NAV3: variants seen among roughly 807,000 people sequenced by gnomAD.
NAV3 encodes pore membrane and/or filament interacting like protein 1.
Under a neutral mutation model 244.7 loss-of-function variants are expected in NAV3, and 87 were observed. The ratio of observed to expected loss-of-function variants is 0.36; its 90% CI spans 0.30 to 0.42. The LOEUF (loss-of-function observed/expected upper bound fraction) is 0.42, where lower values mean the gene tolerates loss of function less well. NAV3 is among the 20% of genes least tolerant of loss of function. The pLI, the probability that NAV3 is intolerant of heterozygous loss-of-function variation, is 1.00. For missense variants in NAV3, 2,663 were observed against 2,893.3 expected (o/e 0.92, Z 1.83); for synonymous variants, 1,126 against 1,042.2 (o/e 1.08, Z -1.55).
intron 1 of NAV3, among the ~76,000 whole-genome samples, chr12:77,839,067 C>T (rs971702755): frequency 2.6e-5 from 4 of 152,188 alleles, no homozygotes; most frequent in Non-Finnish European, 5.9e-5. Context: ...GAACTGATAA[C>T]TCTGTATTAG....
chr12:77,646,899 C>A (rs1382741826), intron 2 of NAV3, among the ~76,000 whole-genome samples: 1 of 152,074 alleles, frequency 6.6e-6, no homozygotes, highest in African/African-American at 2.4e-5. Context: ...AGTGGCCCAT[C>A]AATTCCACTT....
chr12:77,658,227 A>G lies in NAV3; in HGVS notation c.72+85961A>G, dbSNP rs1873225095. Among the ~76,000 whole-genome samples, 11 of 152,198 alleles carry G rather than the reference A, an allele frequency of 7.2e-5. No individual in the cohort carries two copies. The South Asian group carries it at 2.1e-3, about 29-fold the overall frequency. ...GAAAACCCCATTGTCTCAGCCCAAA[A>G]TCTCCTTAAGCTGATAAGCAACTTC... On this transcript the variant is annotated intron_variant, in intron 2 of 8. Transcript: ENST00000550042.
chr12:77,653,997 G>A (rs1872947334), intron 2 of NAV3, among the ~76,000 whole-genome samples: 1 of 152,208 alleles, frequency 6.6e-6, no homozygotes, highest in Non-Finnish European at 1.5e-5. Context: ...GATAGGAACA[G>A]CTCTGGTCTA....
intron 2 of NAV3, among the ~76,000 whole-genome samples, chr12:77,674,774 T>C (rs1474051706): frequency 6.6e-6 from 1 of 152,244 alleles, no homozygotes; most frequent in African/African-American, 2.4e-5. Context: ...ATTCATTGAA[T>C]ACTTACTATA....
intron 2 of NAV3, among the ~76,000 whole-genome samples, chr12:77,734,600 A>G (rs1203816524): frequency 1.3e-5 from 2 of 152,106 alleles, no homozygotes; most frequent in Non-Finnish European, 2.9e-5. Flanking sequence ...ATGATCTACA[A>G]CCTGGCCTCA....
intron 2 of NAV3, among the ~76,000 whole-genome samples, chr12:77,676,706 C>T (rs1874223398): frequency 6.6e-6 from 1 of 151,948 alleles, no homozygotes; most frequent in East Asian, 1.9e-4. Context: ...GGAGGGAGAG[C>T]TTTAGGACAA....
Position 78,072,015 on chromosome 12 carries a change from C to G in NAV3, c.2636+12900C>G, listed in dbSNP as rs550659376. Among the ~76,000 whole-genome samples, 3 of 152,170 alleles carry G rather than the reference C, an allele frequency of 2.0e-5. No homozygotes were observed. In the South Asian group the frequency reaches 6.2e-4, roughly 31 times the overall value. ...GAACAAAGACACAACATACCAGAAT[C>G]TCTGGGACGCATTCAAAGCAGTGTG... On this transcript the variant is annotated intron_variant, in intron 12 of 39. Coordinates refer to ENST00000397909, the MANE Select transcript of NAV3 (RefSeq NM_001024383.2).
rs191869332 is a variant in NAV3 at position 77,890,238 on chromosome 12, C to T, written c.244-50081C>T. Among the ~76,000 whole-genome samples, 251 of 152,218 alleles carry T rather than the reference C, an allele frequency of 1.6e-3. 1 individual carries two copies. Among genetic ancestry groups the T allele is most frequent in the African/African-American group, 5.8e-3 (241 of 41,540 alleles). ...TCCCAAGTAGCTGAGACGACAGGTG[C>T]CTGCCTGTCACTATGTCTGGCTTTT... On this transcript the variant is annotated intron_variant, in intron 1 of 39. Coordinates refer to ENST00000397909, the MANE Select transcript of NAV3 (RefSeq NM_001024383.2).
chr12:77,683,073 C>CA (rs1242938317), intron 2 of NAV3, among the ~76,000 whole-genome samples: 1 of 151,924 alleles, frequency 6.6e-6, no homozygotes, highest in Non-Finnish European at 1.5e-5. Context: ...GGGTGATATC[C>CA]AAAAAATATT....
rs941855832 is a variant in NAV3 at position 77,961,344 on chromosome 12, A to G, written c.415-4885A>G. ...ACATATATGTAATATAATAAATATT[A>G]CACATATACATATATGTAATATAAT... On this transcript the variant is annotated intron_variant, in intron 3 of 39. Transcript: ENST00000397909. Among the ~76,000 whole-genome samples the G allele has an allele frequency of 2.1e-5, 3 of 142,638 alleles. 1 individual carries two copies. The highest frequency in any genetic ancestry group is 7.2e-5 in the Admixed American group (1 of 13,850). The allele number at this position is 142,638 out of a possible 152,430, so 93.6% of individuals were successfully genotyped here.
intron 12 of NAV3, among the ~76,000 whole-genome samples, chr12:78,079,169 G>A (rs1953219193): frequency 6.6e-6 from 1 of 152,164 alleles, no homozygotes; most frequent in Non-Finnish European, 1.5e-5. Context: ...AAGAACTGAT[G>A]TGCCATTGAG....
chr12:77,710,330 T>C lies in NAV3; in HGVS notation c.72+138064T>C, dbSNP rs117370622. Among the ~76,000 whole-genome samples the C allele has an allele frequency of 3.6e-4, 54 of 149,452 alleles. 1 individual carries two copies. In the East Asian group the frequency reaches 7.7e-3, roughly 21 times the overall value. On this transcript the variant is annotated intron_variant, in intron 2 of 8. Transcript: ENST00000550042. ...ATTGTTAATCTAAAACTGTTGAGTT[T>C]TCCTGGACTTGACTCTGGGCAACTA... is the stretch of plus-strand genomic sequence containing the variant.
chr12:77,922,762 A>G (rs1887831723), intron 1 of NAV3, among the ~76,000 whole-genome samples: 3 of 152,198 alleles, frequency 2.0e-5, no homozygotes, highest in African/African-American at 4.8e-5. Flanking sequence ...CTAGAAGACC[A>G]AAAAATACTC....
chr12:77,939,569 T>A (rs1466960090), intron 1 of NAV3, among the ~76,000 whole-genome samples: 1 of 152,196 alleles, frequency 6.6e-6, no homozygotes, highest in African/African-American at 2.4e-5. Context: ...TCTATTCAAT[T>A]GAAAAAATTA....
chr12:77,645,324 G>A (rs1199626497), intron 2 of NAV3, among the ~76,000 whole-genome samples: 1 of 150,710 alleles, frequency 6.6e-6, no homozygotes, highest in Non-Finnish European at 1.5e-5. Context: ...TTTTGTGGTA[G>A]GTCCAAATAA....
Position 78,005,337 on chromosome 12 carries a change from C to T in NAV3, c.881-1082C>T, listed in dbSNP as rs547671184. 2.0e-5 allele frequency among the ~76,000 whole-genome samples: 3 copies of T among 152,310 alleles called. No homozygotes were observed. In the East Asian group the frequency reaches 5.8e-4, roughly 29 times the overall value. ...AGTAAAAAATGTTAATATTGCATAG[C>T]TATGAAACATTTAATGAATTTAGCA... On this transcript the variant is annotated intron_variant, in intron 7 of 39. Coordinates refer to ENST00000397909, the MANE Select transcript of NAV3 (RefSeq NM_001024383.2).
chr12:77,898,039 T>C (rs1884829052), intron 1 of NAV3, among the ~76,000 whole-genome samples: 1 of 152,192 alleles, frequency 6.6e-6, no homozygotes, highest in South Asian at 2.1e-4. Flanking sequence ...TTTCACTTCA[T>C]TTGTTTCTTA....
chr12:78,101,294 A>T (rs1005137618), intron 12 of NAV3, among the ~76,000 whole-genome samples: 1 of 152,186 alleles, frequency 6.6e-6, no homozygotes, highest in African/African-American at 2.4e-5. Context: ...GTAAACACAG[A>T]TGTGGAAGAG....
At chr12:77,849,588 G>T (rs1156763986) in intron 1 of NAV3, among the ~76,000 whole-genome samples, 5 of 152,122 alleles carry the variant, frequency 3.3e-5, no homozygotes, top group South Asian at 2.1e-4. Flanking sequence ...GCTAAACGTA[G>T]AGTGTATATG....
Sources: gnomAD v4.1 joint callset for allele counts (sites outside exome capture counted in the v4.1 genomes callset) on GRCh38, gnomAD v4.1.1 for gene constraint, MANE v1.5 for transcripts, NCBI Gene and HGNC (gene_info 2026-07-23, HGNC 2026-07-21) for gene names.